TFDP2: variants seen among roughly 807,000 people sequenced by gnomAD.
TFDP2 encodes transcription factor Dp-2, also known as transcription factor Dp-2 (E2F dimerization partner 2).
In TFDP2, 17 loss-of-function variants were observed where a neutral mutation model predicts 59.3. The ratio of observed to expected loss-of-function variants is 0.29; its 90% CI spans 0.20 to 0.43. The LOEUF (loss-of-function observed/expected upper bound fraction) is 0.43, where lower values mean the gene tolerates loss of function less well. Among genes scored for constraint, TFDP2 ranks in the 20% least tolerant of loss-of-function variants. TFDP2 has a pLI of 1.00. For missense variants in TFDP2, 391 were observed against 528.8 expected, an observed-to-expected ratio of 0.74 and a Z score of 2.56; for synonymous variants, 180 against 194.7, an observed-to-expected ratio of 0.92 and a Z score of 0.63.
chr3:141,959,751 T>A lies in TFDP2; in HGVS notation c.974A>T (p.Glu325Val). Residue 325 changes from glutamate to valine, a missense_variant, in exon 11 of 13, where the codon GAG (glutamate) becomes GTG (valine). Coordinates refer to ENST00000489671, the MANE Select transcript of TFDP2 (RefSeq NM_001178139.2). ...ATCCTCCAGAGAGCATTTGCCTGAC[T>A]CCAGGCCAAACGACATTCCCATCCG... ...LKRMGMSFGLESGKCSLEDLK... is the reference protein window; with the variant it reads ...LKRMGMSFGLVSGKCSLEDLK... 1 of 1,614,168 alleles carries A rather than the reference T, an allele frequency of 6.2e-7. No individual in the cohort carries two copies.
rs1034002783 is a variant in TFDP2 at position 141,951,683 on chromosome 3, T to C, written c.*830A>G. The C allele has an allele frequency of 2.0e-5, 3 of 152,652 alleles. No individual in the cohort carries two copies. The highest frequency in any genetic ancestry group is 2.9e-5 in the Non-Finnish European group (2 of 68,038). The allele number at this position is 152,652 out of a possible 1,614,324, so 9.5% of individuals were successfully genotyped here. The stretch of plus-strand genomic sequence containing the variant: ...TTTTAAATGAAAAAGCTATATGAAA[T>C]GCATAGCTTTGATTAACCTAAAGAT... On this transcript the variant is annotated 3_prime_UTR_variant, in exon 13 of 13. Coordinates refer to ENST00000489671, the MANE Select transcript of TFDP2 (RefSeq NM_001178139.2).
At chr3:141,963,673 CAGG>C in intron 10 of TFDP2, 136 bp downstream of exon 10, 1 of 918,904 alleles carries the variant, frequency 1.1e-6, no homozygotes, top group Non-Finnish European at 1.6e-6. Context: ...ACCCATGGTT[CAGG>C]AGGTGTTTCA....
At chr3:141,961,781 G>T (rs1429805225) in intron 10 of TFDP2, among the ~76,000 whole-genome samples, 1 of 152,060 alleles carries the variant, frequency 6.6e-6, no homozygotes. Flanking sequence ...TTAAAAAATG[G>T]ATCAGCTTTA....
At chr3:142,133,399 T>C (rs1186402124) in intron 1 of TFDP2, among the ~76,000 whole-genome samples, 1 of 149,552 alleles carries the variant, frequency 6.7e-6, no homozygotes, top group Non-Finnish European at 1.5e-5. Context: ...TTTGTATTTT[T>C]AGTAGATATG....
chr3:141,962,847 T>C (rs1190375547), intron 10 of TFDP2, among the ~76,000 whole-genome samples: 1 of 152,250 alleles, frequency 6.6e-6, no homozygotes, highest in Admixed American at 6.5e-5. Flanking sequence ...TTCTGGGGTA[T>C]GCCTGTGGTA....
At chr3:141,985,054 C>G (rs1163868141) in intron 6 of TFDP2, among the ~76,000 whole-genome samples, 1 of 151,804 alleles carries the variant, frequency 6.6e-6, no homozygotes, top group African/African-American at 2.4e-5. Flanking sequence ...CTGCTGCCAC[C>G]TTCAGAATAG....
intron 3 of TFDP2, among the ~76,000 whole-genome samples, chr3:142,061,870 A>ATT (rs1429173619): frequency 2.1e-5 from 1 of 47,952 alleles, no homozygotes; most frequent in African/African-American, 9.4e-5. Flanking sequence ...TAATCAATCA[A>ATT]TTTCTCTCTC....
At chr3:142,111,044 T>C (rs1403669721) in intron 1 of TFDP2, among the ~76,000 whole-genome samples, 1 of 152,176 alleles carries the variant, frequency 6.6e-6, no homozygotes, top group Non-Finnish European at 1.5e-5. Context: ...GAGCCTATAT[T>C]TCAGCTATGA....
At chr3:141,997,084 T>C (rs1332070657) in intron 4 of TFDP2, among the ~76,000 whole-genome samples, 1 of 152,150 alleles carries the variant, frequency 6.6e-6, no homozygotes, top group Non-Finnish European at 1.5e-5. Flanking sequence ...ATCCCCACTT[T>C]CAGTGCATCC....
intron 3 of TFDP2, among the ~76,000 whole-genome samples, chr3:142,074,618 G>A (rs570186553): frequency 3.3e-5 from 5 of 152,042 alleles, no homozygotes; most frequent in Admixed American, 6.5e-5. Context: ...TTGGGAGGCC[G>A]AGGCAGGTGG....
chr3:142,111,367 G>A (rs1268978877), intron 1 of TFDP2, among the ~76,000 whole-genome samples: 2 of 148,672 alleles, frequency 1.3e-5, no homozygotes, highest in African/African-American at 2.5e-5. Flanking sequence ...GGCGGAGGTT[G>A]CAGTTAGCTG....
chr3:141,960,086 T>G (rs1937173977), intron 10 of TFDP2, among the ~76,000 whole-genome samples: 1 of 152,172 alleles, frequency 6.6e-6, no homozygotes, highest in Admixed American at 6.5e-5. Flanking sequence ...TAGCCCTAAC[T>G]CTGTTACAAA....
intron 1 of TFDP2, among the ~76,000 whole-genome samples, chr3:142,107,113 A>G (rs1416446855): frequency 6.6e-6 from 1 of 152,252 alleles, no homozygotes; most frequent in Non-Finnish European, 1.5e-5. Flanking sequence ...TATCAGCCAT[A>G]ATCCTACTTG....
chr3:142,041,176 C>T (rs530991208), intron 3 of TFDP2, among the ~76,000 whole-genome samples: 1 of 152,316 alleles, frequency 6.6e-6, no homozygotes, highest in Admixed American at 6.5e-5. Flanking sequence ...TTGTGCATGG[C>T]TTCAAAACTT....
chr3:142,039,774 G>T (rs1373317922), intron 3 of TFDP2, among the ~76,000 whole-genome samples: 2 of 152,086 alleles, frequency 1.3e-5, no homozygotes, highest in Non-Finnish European at 2.9e-5. Context: ...CTAGTGAAGG[G>T]GCAAGGATAT....
At chr3:142,100,172 G>A (rs2061276964) in intron 2 of TFDP2, among the ~76,000 whole-genome samples, 4 of 152,126 alleles carry the variant, frequency 2.6e-5, no homozygotes, top group African/African-American at 7.2e-5. Context: ...TAGAACTATC[G>A]GTCTGACTCA....
At chr3:142,119,625 C>G (rs1328178352) in intron 1 of TFDP2, among the ~76,000 whole-genome samples, 1 of 151,934 alleles carries the variant, frequency 6.6e-6, no homozygotes, top group African/African-American at 2.4e-5. Flanking sequence ...ACCTGTAGTC[C>G]CAGCTACTTG....
intron 3 of TFDP2, among the ~76,000 whole-genome samples, chr3:142,069,686 C>A (rs956520762): frequency 6.6e-6 from 1 of 151,768 alleles, no homozygotes; most frequent in Non-Finnish European, 1.5e-5. Context: ...CAACTCACTG[C>A]AACCTCTGCC....
intron 1 of TFDP2, among the ~76,000 whole-genome samples, chr3:142,110,616 C>T (rs920802527): frequency 6.6e-6 from 1 of 152,028 alleles, no homozygotes; most frequent in African/African-American, 2.4e-5. Flanking sequence ...TGGATAAATA[C>T]TTATTGATAG....
Sources: gnomAD v4.1 joint callset for allele counts (sites outside exome capture counted in the v4.1 genomes callset) on GRCh38, gnomAD v4.1.1 for gene constraint, MANE v1.5 for transcripts, NCBI Gene and HGNC (gene_info 2026-07-23, HGNC 2026-07-21) for gene names.